VGLL4: variants seen among roughly 807,000 people sequenced by gnomAD.
The protein encoded by VGLL4 is vestigial like family member 4.
In VGLL4, 7 loss-of-function variants were observed where a neutral mutation model predicts 21.0. The observed-to-expected ratio is 0.33, with a 90% CI of 0.19 to 0.63. The LOEUF (loss-of-function observed/expected upper bound fraction) is 0.63. Among genes scored for constraint, VGLL4 ranks in the 20% least tolerant of loss-of-function variants. The pLI, the probability that VGLL4 is intolerant of heterozygous loss-of-function variation, is 0.78. For missense variants in VGLL4, 394 were observed against 425.7 expected, an observed-to-expected ratio of 0.93 and a Z score of 0.66; for synonymous variants, 222 against 173.2, an observed-to-expected ratio of 1.28 and a Z score of -2.21.
rs79394888 is a variant in VGLL4, at chr3:11,657,326, G to T, written c.64+45645C>A. Among the ~76,000 whole-genome samples the T allele has an allele frequency of 9.5e-3, 1,439 of 152,224 alleles. 30 individuals are homozygous for T. The highest frequency in any genetic ancestry group is 0.033 in the African/African-American group (1,366 of 41,530). ...GTCATGTTTTATAGAATACACGACG[G>T]TAACTGGTATTTCTAGGAGGGTTGG... is the stretch of plus-strand genomic sequence containing the variant. On this transcript the variant is annotated intron_variant, in intron 2 of 5. Transcript: ENST00000273038.
chr3:11,694,450 G>A (rs190061973), intron 2 of VGLL4, among the ~76,000 whole-genome samples: 2 of 152,188 alleles, frequency 1.3e-5, no homozygotes, highest in East Asian at 3.9e-4. Flanking sequence ...GTGAAACCCT[G>A]TCTTTACTAA....
At chr3:11,708,445 C>CA (rs576415501) in intron 1 of VGLL4, among the ~76,000 whole-genome samples, 36 of 152,266 alleles carry the variant, frequency 2.4e-4, no homozygotes, top group African/African-American at 8.4e-4. Context: ...AAAAGCTGGG[C>CA]AGGTGATGTG....
intron 2 of VGLL4, among the ~76,000 whole-genome samples, chr3:11,577,297 ATAT>A (rs1378242160): frequency 6.6e-6 from 1 of 152,192 alleles, no homozygotes; most frequent in Non-Finnish European, 1.5e-5. Flanking sequence ...TTGCTGGAAA[ATAT>A]TATAAAACTG....
In VGLL4 at chr3:11,680,298, C is replaced by G. The variant is rs114653142; in HGVS notation, c.64+22673G>C. 2.5e-3 allele frequency among the ~76,000 whole-genome samples: 388 copies of G among 152,336 alleles called. 1 individual carries two copies. Among genetic ancestry groups the G allele is most frequent in the African/African-American group, 8.9e-3 (371 of 41,562 alleles). On this transcript the variant is annotated intron_variant, in intron 2 of 5. Transcript: ENST00000273038. ...AGTATCCCTGCTATGCAAAGCCTGA[C>G]TGTACTCCCTGTTATAACCATGAGC... is the stretch of plus-strand genomic sequence containing the variant.
chr3:11,682,751 C>T (rs1222125728), intron 2 of VGLL4, among the ~76,000 whole-genome samples: 1 of 151,980 alleles, frequency 6.6e-6, no homozygotes, highest in Non-Finnish European at 1.5e-5. Context: ...CTTTCCATCT[C>T]TTACATCCAA....
intron 2 of VGLL4, among the ~76,000 whole-genome samples, chr3:11,581,405 G>A (rs951960597): frequency 1.3e-5 from 2 of 152,038 alleles, no homozygotes; most frequent in African/African-American, 4.8e-5. Context: ...TGCATTTCTC[G>A]AATGATGAAA....
rs199715707 is a variant in VGLL4 at position 11,638,521 on chromosome 3, TTC to T, written c.82+4914_82+4915del. ...ACTAACCAAGCTCCTCCTAGTTTCT[TTC>T]TCTCTCTCTCTGTCTCCCCCTTCCT... is the stretch of plus-strand genomic sequence containing the variant. On this transcript the variant is annotated intron_variant, in intron 1 of 4. Transcript: ENST00000430365. Among the ~76,000 whole-genome samples the T allele has an allele frequency of 4.3e-3, 655 of 151,512 alleles. 1 individual carries two copies. The highest frequency in any genetic ancestry group is 0.015 in the African/African-American group (619 of 41,364).
At chr3:11,570,375 C>A (rs2125161974) in intron 2 of VGLL4, among the ~76,000 whole-genome samples, 1 of 152,286 alleles carries the variant, frequency 6.6e-6, no homozygotes. Context: ...ATGCCGGCCA[C>A]CAAGGTCTGT....
Position 11,658,331 on chromosome 3 carries a change from T to C in VGLL4, c.64+44640A>G, listed in dbSNP as rs75059584. 9.0e-3 allele frequency among the ~76,000 whole-genome samples: 1,362 copies of C among 152,090 alleles called. 35 individuals are homozygous for C. Among genetic ancestry groups the C allele is most frequent in the African/African-American group, 0.031 (1,291 of 41,392 alleles). ...CCCCAAAGCAATAATCAAACTACCA[T>C]ATTTTATTTATAGCTGCTCTCAAGG... On this transcript the variant is annotated intron_variant, in intron 2 of 5. Transcript: ENST00000273038.
intron 2 of VGLL4, among the ~76,000 whole-genome samples, chr3:11,567,556 A>G (rs1280402913): frequency 1.3e-5 from 2 of 152,228 alleles, no homozygotes; most frequent in Admixed American, 6.5e-5. Flanking sequence ...TTAAAATACT[A>G]AAAACCTTAA....
At chr3:11,679,240 C>G (rs1377176120) in intron 2 of VGLL4, among the ~76,000 whole-genome samples, 1 of 152,044 alleles carries the variant, frequency 6.6e-6, no homozygotes, top group Non-Finnish European at 1.5e-5. Context: ...GTTACTGCCC[C>G]TGAAGACCTT....
chr3:11,715,216 T>C (rs2076904069), intron 1 of VGLL4, among the ~76,000 whole-genome samples: 1 of 151,830 alleles, frequency 6.6e-6, no homozygotes, highest in Admixed American at 6.6e-5. Flanking sequence ...TAACTCTCCA[T>C]TGTTCCAAAA....
At chr3:11,709,400 G>A (rs899646477) in intron 1 of VGLL4, among the ~76,000 whole-genome samples, 1 of 144,202 alleles carries the variant, frequency 6.9e-6, no homozygotes, top group Admixed American at 7.0e-5. Flanking sequence ...TTGCACCATT[G>A]CACTCCAGCC....
At chr3:11,642,757 GCTCT>G (rs1183567721) in intron 1 of VGLL4, among the ~76,000 whole-genome samples, 2 of 152,206 alleles carry the variant, frequency 1.3e-5, no homozygotes, top group Non-Finnish European at 2.9e-5. Flanking sequence ...GTTCGGCGCG[GCTCT>G]CTCTTTTTCA....
chr3:11,630,026 C>T (rs1575472308), intron 1 of VGLL4, among the ~76,000 whole-genome samples: 2 of 152,148 alleles, frequency 1.3e-5, no homozygotes, highest in African/African-American at 4.8e-5. Context: ...TTTTTCACAT[C>T]CCTCTATCTG....
At chr3:11,570,321 T>A (rs935556075) in intron 2 of VGLL4, among the ~76,000 whole-genome samples, 15 of 152,058 alleles carry the variant, frequency 9.9e-5, no homozygotes. Context: ...TCCACCCACC[T>A]TCCTGCCCCA....
upstream of VGLL4, among the ~76,000 whole-genome samples, chr3:11,646,832 G>A (rs966387056): frequency 3.9e-5 from 6 of 152,080 alleles, no homozygotes; most frequent in African/African-American, 7.2e-5. Flanking sequence ...CCGCTGATCC[G>A]GGAGGCTAGC....
chr3:11,652,091 A>G (rs565076221), intron 2 of VGLL4, among the ~76,000 whole-genome samples: 17 of 152,192 alleles, frequency 1.1e-4, no homozygotes, highest in Admixed American at 3.3e-4. Context: ...GGGTCTTCAG[A>G]TCATATTTAA....
upstream of VGLL4, chr3:11,721,727 T>G (rs116498890): frequency 2.6e-5 from 4 of 152,320 alleles, no homozygotes; most frequent in East Asian, 1.9e-4. Context: ...GAAAAAGGGT[T>G]TTAGATTCAG....
Sources: gnomAD v4.1 joint callset for allele counts (sites outside exome capture counted in the v4.1 genomes callset) on GRCh38, gnomAD v4.1.1 for gene constraint, MANE v1.5 for transcripts, NCBI Gene and HGNC (gene_info 2026-07-23, HGNC 2026-07-21) for gene names.